The following GNA12 variants were observed in gnomAD, a reference collection of about 807,000 sequenced individuals.
GNA12 encodes the protein guanine nucleotide-binding protein subunit alpha-12.
Under a neutral mutation model 26.0 loss-of-function variants are expected in GNA12, and 9 were observed. That is an observed-to-expected ratio of 0.35 (90% CI 0.21 to 0.60). The LOEUF (loss-of-function observed/expected upper bound fraction) is 0.60. GNA12 is among the 20% of genes least tolerant of loss of function. GNA12 has a pLI of 0.78. For missense variants in GNA12, 405 were observed against 525.8 expected (o/e 0.77, Z 2.25); for synonymous variants, 264 against 219.6 (o/e 1.20, Z -1.79).
intron 2 of GNA12, among the ~76,000 whole-genome samples, chr7:2,769,402 G>C (rs970563837): frequency 6.6e-6 from 1 of 152,126 alleles, no homozygotes; most frequent in African/African-American, 2.4e-5. Flanking sequence ...AAATAGAACA[G>C]CTAGGTCAAA....
chr7:2,812,862 C>T (rs1562441513), intron 1 of GNA12, among the ~76,000 whole-genome samples: 1 of 152,140 alleles, frequency 6.6e-6, no homozygotes, highest in Admixed American at 6.5e-5. Context: ...TATTTGGCCC[C>T]TTTTTTGTTA....
At chr7:2,831,919 A>C (rs912840324) in intron 1 of GNA12, among the ~76,000 whole-genome samples, 1 of 151,998 alleles carries the variant, frequency 6.6e-6, no homozygotes, top group Non-Finnish European at 1.5e-5. Context: ...TTAAGTAATG[A>C]CTCCCTTATC....
Position 2,818,789 on chromosome 7 carries a change from G to C in GNA12, c.310-23646C>G, listed in dbSNP as rs1353804140. Among the ~76,000 whole-genome samples the C allele has an allele frequency of 4.8e-5, 7 of 146,394 alleles. No individual in the cohort carries two copies. In the East Asian group the frequency reaches 1.4e-3, roughly 29 times the overall value. On this transcript the variant is annotated intron_variant, in intron 1 of 3. Coordinates refer to ENST00000275364, the MANE Select transcript of GNA12 (RefSeq NM_007353.3). Reference sequence around the variant, plus strand: ...AAAAAAAAAAAAGCAAAGGACAAACGAACAAGGGAGGGAGGCGACTCAAAG... The same window carrying C: ...AAAAAAAAAAAAGCAAAGGACAAACCAACAAGGGAGGGAGGCGACTCAAAG...
At chr7:2,805,576 A>G (rs1583296405) in intron 1 of GNA12, among the ~76,000 whole-genome samples, 1 of 152,224 alleles carries the variant, frequency 6.6e-6, no homozygotes, top group East Asian at 1.9e-4. Context: ...AGGAACAGGC[A>G]GGAGGCAGAA....
At chr7:2,760,287 C>G (rs1184170425) in intron 2 of GNA12, 1 of 152,526 alleles carries the variant, frequency 6.6e-6, no homozygotes, top group Non-Finnish European at 1.5e-5. Context: ...CGCTGCCTCC[C>G]TAGGTCCACA....
chr7:2,749,157 C>A (rs1194198084), intron 2 of GNA12, among the ~76,000 whole-genome samples: 1 of 151,612 alleles, frequency 6.6e-6, no homozygotes, highest in African/African-American at 2.4e-5. Context: ...CATCCCATTA[C>A]TGGGTATATA....
intron 1 of GNA12, among the ~76,000 whole-genome samples, chr7:2,801,521 G>A (rs932401850): frequency 3.3e-5 from 5 of 152,058 alleles, no homozygotes; most frequent in African/African-American, 9.7e-5. Flanking sequence ...CGCACAATCC[G>A]CCCAAGCAGG....
At chr7:2,826,905 G>A (rs566346433) in intron 1 of GNA12, among the ~76,000 whole-genome samples, 2 of 152,250 alleles carry the variant, frequency 1.3e-5, no homozygotes, top group South Asian at 2.1e-4. Context: ...GCAACACAAC[G>A]AGTGAACCCT....
chr7:2,837,547 A>T (rs1214078715), intron 1 of GNA12, among the ~76,000 whole-genome samples: 1 of 152,244 alleles, frequency 6.6e-6, no homozygotes, highest in African/African-American at 2.4e-5. Context: ...AATCATAATG[A>T]AACTTCTGAA....
rs1158824481 is a variant in GNA12, at chr7:2,748,059, G to A, written c.526-14558C>T. On this transcript the variant is annotated intron_variant, in intron 2 of 3. Coordinates refer to ENST00000275364, the MANE Select transcript of GNA12 (RefSeq NM_007353.3). Reference sequence around the variant, plus strand: ...TCCATGCTCATGGGTAGGAAGAATCGATATCATGAAAATGGCCATACTGCC... The same window carrying A: ...TCCATGCTCATGGGTAGGAAGAATCAATATCATGAAAATGGCCATACTGCC... Among the ~76,000 whole-genome samples, 444 of 150,192 alleles carry A rather than the reference G, an allele frequency of 3.0e-3. 2 individuals are homozygous for A. Among genetic ancestry groups the A allele is most frequent in the African/African-American group, 8.1e-3 (331 of 40,644 alleles).
chr7:2,746,194 C>T (rs1790755313), intron 2 of GNA12, among the ~76,000 whole-genome samples: 1 of 152,196 alleles, frequency 6.6e-6, no homozygotes, highest in Non-Finnish European at 1.5e-5. Context: ...CGGAACTCTC[C>T]ACCCCAAATC....
At position 2,803,280 on chromosome 7, in the gene GNA12, T is replaced by G. The variant is rs188135716; in HGVS notation, c.310-8137A>C. ...CAGAATCGCCACCGCTGGTGAGGCC[T>G]CGCTCACAGACAGGCTGTGGAGAGC... On this transcript the variant is annotated intron_variant, in intron 1 of 3. Transcript: ENST00000275364. Among the ~76,000 whole-genome samples, 3 of 152,216 alleles carry G rather than the reference T, an allele frequency of 2.0e-5. No individual in the cohort carries two copies. In the East Asian group the frequency reaches 5.8e-4, roughly 29 times the overall value.
rs1789911442 is a variant in GNA12 at position 2,731,812 on chromosome 7, A to G, written c.577-62T>C. 1 of 878,250 alleles carries G rather than the reference A, an allele frequency of 1.1e-6. No homozygotes were observed. Among genetic ancestry groups the G allele is most frequent in the Non-Finnish European group, 1.7e-6 (1 of 606,040 alleles). The allele number at this position is 878,250 out of a possible 1,614,324, so 54.4% of individuals were successfully genotyped here. On this transcript the variant is annotated intron_variant, in intron 3 of 3. Transcript: ENST00000275364. This position sits in a 1 kb window ranked among gnomAD's most constrained non-coding sequence, Gnocchi z 6.0. ...GGAAGAAAGAACAGAGAAAATAGAA[A>G]CAAAAAGATGGCAAAAAGATAAGAA...
chr7:2,747,118 T>C (rs1391971580), intron 2 of GNA12, among the ~76,000 whole-genome samples: 1 of 152,222 alleles, frequency 6.6e-6, no homozygotes, highest in Non-Finnish European at 1.5e-5. Flanking sequence ...CCATTCCTTC[T>C]GAAACTATTC....
chr7:2,728,158 G>A lies in GNA12; in HGVS notation c.*3023C>T, dbSNP rs1449206897. ...TTATTTTAATAAACATTCAGAGGCT[G>A]AGGGTGGCCAAATTTTCAAGCCAGA... On this transcript the variant is annotated 3_prime_UTR_variant, in exon 4 of 4. Coordinates refer to ENST00000275364, the MANE Select transcript of GNA12 (RefSeq NM_007353.3). 8.5e-5 allele frequency: 13 copies of A among 152,316 alleles called. No individual in the cohort carries two copies. Among genetic ancestry groups the A allele is most frequent in the Non-Finnish European group, 1.3e-4 (9 of 68,046 alleles). The allele number at this position is 152,316 out of a possible 1,614,324, so 9.4% of individuals were successfully genotyped here. A position where few individuals can be genotyped will look rare whatever the true frequency, so the allele number is the denominator to read the frequency against.
At chr7:2,736,942 G>C (rs983985887) in intron 2 of GNA12, among the ~76,000 whole-genome samples, 2 of 152,212 alleles carry the variant, frequency 1.3e-5, no homozygotes, top group Non-Finnish European at 2.9e-5. Flanking sequence ...AGACCCTCGA[G>C]ATCAGTACAT....
intron 1 of GNA12, among the ~76,000 whole-genome samples, chr7:2,801,642 G>A (rs939169091): frequency 6.6e-6 from 1 of 151,992 alleles, no homozygotes. Context: ...GAACAGTTAA[G>A]TAGTAGTTTT....
intron 1 of GNA12, chr7:2,815,063 G>A: frequency 2.1e-6 from 3 of 1,455,568 alleles, no homozygotes; most frequent in Admixed American, 4.3e-5. Flanking sequence ...CGCCACTGTG[G>A]CAGGCTCCGA....
chr7:2,827,332 G>A (rs1475961476), intron 1 of GNA12, among the ~76,000 whole-genome samples: 2 of 152,186 alleles, frequency 1.3e-5, no homozygotes, highest in Non-Finnish European at 2.9e-5. Context: ...ACAACACAGT[G>A]AATGTACTAA....
Sources: allele counts gnomAD v4.1 joint callset (sites outside exome capture counted in the v4.1 genomes callset), GRCh38; gene constraint gnomAD v4.1.1; non-coding constraint Gnocchi (gnomAD v3.1); transcripts MANE v1.5; gene names NCBI Gene and HGNC (gene_info 2026-07-23, HGNC 2026-07-21).